PIK3C3: variants seen among roughly 807,000 people sequenced by gnomAD.
PIK3C3 encodes the protein PI3-kinase type 3.
A neutral mutation model predicts 126.1 loss-of-function variants in PIK3C3; 95 were observed. The ratio of observed to expected loss-of-function variants is 0.75; its 90% confidence interval spans 0.64 to 0.89. PIK3C3 has a LOEUF of 0.89. Among genes scored for constraint, PIK3C3 ranks in the 40% least tolerant of loss-of-function variants. The pLI is 0.00. For missense variants in PIK3C3, 829 were observed against 1,063.2 expected (o/e 0.78, Z 3.06); for synonymous variants, 374 against 360.0 (o/e 1.04, Z -0.44).
At chr18:41,987,735 A>G (rs2276268) in intron 4 of PIK3C3, 77 bp from the exon 5 acceptor site, 8 of 872,736 alleles carry the variant, frequency 9.2e-6, no homozygotes, top group Admixed American at 3.6e-5. Flanking sequence ...TGAAGTGTAC[A>G]TTGCCATTCT....
chr18:42,045,059 C>T lies in PIK3C3; in HGVS notation c.2188+1242C>T, dbSNP rs143640435. 7.5e-3 allele frequency among the ~76,000 whole-genome samples: 1,139 copies of T among 152,114 alleles called. 14 individuals are homozygous for T. Among genetic ancestry groups the T allele is most frequent in the African/African-American group, 0.026 (1,082 of 41,486 alleles). ...TTTGGACCTTATTTTCAAATTTATT[C>T]GTGATGATACATTTTTGTCTGAAAA... On this transcript the variant is annotated intron_variant, in intron 20 of 24. Coordinates refer to ENST00000262039, the MANE Select transcript of PIK3C3 (RefSeq NM_002647.4).
chr18:42,013,998 C>T (rs1231643022), intron 11 of PIK3C3, among the ~76,000 whole-genome samples: 1 of 152,068 alleles, frequency 6.6e-6, no homozygotes, highest in East Asian at 1.9e-4. Flanking sequence ...GCTACTATTA[C>T]TTATTTATGT....
At chr18:42,005,850 T>G (rs1376643766) in intron 10 of PIK3C3, among the ~76,000 whole-genome samples, 1 of 151,140 alleles carries the variant, frequency 6.6e-6, no homozygotes, top group Non-Finnish European at 1.5e-5. Flanking sequence ...AAATAATTCA[T>G]CTGTCTTCAG....
chr18:42,043,887 A>G, intron 20 of PIK3C3, 70 bp downstream of exon 20: 1 of 939,548 alleles, frequency 1.1e-6, no homozygotes, highest in Non-Finnish European at 1.7e-6. Context: ...TATTGCCATA[A>G]TCATATACAT....
chr18:42,003,311 A>G (rs1259905677), intron 9 of PIK3C3, among the ~76,000 whole-genome samples: 3 of 152,166 alleles, frequency 2.0e-5, no homozygotes, highest in Non-Finnish European at 2.9e-5. Flanking sequence ...CAAGTTACCT[A>G]TTTTTCAACA....
chr18:42,061,684 A>G (rs1429604899), intron 22 of PIK3C3, among the ~76,000 whole-genome samples: 2 of 152,232 alleles, frequency 1.3e-5, no homozygotes, highest in African/African-American at 4.8e-5. Context: ...TGTATCTTAA[A>G]TGGAAAATTC....
intron 21 of PIK3C3, among the ~76,000 whole-genome samples, chr18:42,054,168 A>G (rs1479461482): frequency 1.6e-4 from 8 of 49,722 alleles, no homozygotes; most frequent in East Asian, 5.4e-4. Flanking sequence ...ATATATATAT[A>G]TATATATATA....
At position 42,087,361 on chromosome 18, in the gene PIK3C3, G is replaced by A. The variant is rs511605; in HGVS notation, c.*6224G>A. 76,069 of 151,980 alleles carry A rather than the reference G, an allele frequency of 0.5. 20,807 individuals carry two copies. The highest frequency in any genetic ancestry group is 0.73 in the African/African-American group (30,231 of 41,446). The allele number at this position is 151,980 out of a possible 1,614,324, so 9.4% of individuals were successfully genotyped here. ...GTTGCATCATGTATGACGTTTGCAA[G>A]GTGCATGTGGAAGGCTGGTCGCCCC... On this transcript the variant is annotated 3_prime_UTR_variant, in exon 25 of 25. Transcript: ENST00000262039.
chr18:41,993,030 A>G (rs1981855126), intron 6 of PIK3C3, among the ~76,000 whole-genome samples: 1 of 152,172 alleles, frequency 6.6e-6, no homozygotes, highest in African/African-American at 2.4e-5. Context: ...CAGACCTCAT[A>G]CCTCTAAAAC....
At chr18:42,051,794 G>A (rs1006907995) in intron 21 of PIK3C3, among the ~76,000 whole-genome samples, 1 of 151,892 alleles carries the variant, frequency 6.6e-6, no homozygotes, top group Non-Finnish European at 1.5e-5. Flanking sequence ...CAAGAATCAA[G>A]CAACCAAAAT....
intron 17 of PIK3C3, among the ~76,000 whole-genome samples, chr18:42,038,296 C>T (rs766110981): frequency 2.6e-5 from 4 of 151,732 alleles, no homozygotes; most frequent in South Asian, 2.1e-4. Flanking sequence ...TTTAGCATAC[C>T]GTCATCTAAG....
rs543625493 is a variant in PIK3C3 at position 42,012,284 on chromosome 18, C to T, written c.1171-1158C>T. On this transcript the variant is annotated intron_variant, in intron 10 of 24. Coordinates refer to ENST00000262039, the MANE Select transcript of PIK3C3 (RefSeq NM_002647.4). The stretch of plus-strand genomic sequence containing the variant: ...TGGGTTGCTGGCAGGTGGTCTCTGT[C>T]CTCCTGGTTTACAAAATAGTGGAAA... Among the ~76,000 whole-genome samples, 29 of 152,030 alleles carry T rather than the reference C, an allele frequency of 1.9e-4. No homozygotes were observed. The East Asian group carries it at 5.2e-3, about 27-fold the overall frequency.
In PIK3C3 at chr18:42,065,005, G is replaced by A. The variant is rs1985477082; in HGVS notation, c.2523+175G>A. ...ACAGTTTGCTTGCTACTCCAGCCCTGCAGTCACAGGGAGGAGGAAGCAGCA... is the reference window on the plus strand; with the variant it reads ...ACAGTTTGCTTGCTACTCCAGCCCTACAGTCACAGGGAGGAGGAAGCAGCA... On this transcript the variant is annotated intron_variant, in intron 23 of 24. Coordinates refer to ENST00000262039, the MANE Select transcript of PIK3C3 (RefSeq NM_002647.4). Among the ~76,000 whole-genome samples the A allele has an allele frequency of 2.0e-5, 3 of 152,256 alleles. No homozygotes were observed. In the South Asian group the frequency reaches 6.2e-4, roughly 32 times the overall value.
At chr18:41,973,142 A>C (rs565196808) in intron 4 of PIK3C3, among the ~76,000 whole-genome samples, 1 of 152,186 alleles carries the variant, frequency 6.6e-6, no homozygotes, top group Admixed American at 6.5e-5. Flanking sequence ...CATAGTTATT[A>C]TCTTACTAGG....
chr18:42,004,769 G>A (rs1982462963), intron 10 of PIK3C3, among the ~76,000 whole-genome samples: 1 of 152,136 alleles, frequency 6.6e-6, no homozygotes, highest in South Asian at 2.1e-4. Context: ...TCTGTTACGT[G>A]GTAGGACAGT....
rs1283125572 is a variant in PIK3C3 at position 42,083,102 on chromosome 18, TGAGA to T, written c.*1968_*1971del. On this transcript the variant is annotated 3_prime_UTR_variant, in exon 25 of 25. Coordinates refer to ENST00000262039, the MANE Select transcript of PIK3C3 (RefSeq NM_002647.4). ...GGGTAAACAGTAGCTGTGGTTTTGC[TGAGA>T]GATTTTGGCTGTGAGTGACAAGCCT... 6.6e-6 allele frequency: 1 copy of T among 152,224 alleles called. No homozygotes were observed. Among genetic ancestry groups the T allele is most frequent in the Non-Finnish European group, 1.5e-5 (1 of 68,048 alleles). The allele number at this position is 152,224 out of a possible 1,614,324, so 9.4% of individuals were successfully genotyped here. A position where few individuals can be genotyped will look rare whatever the true frequency, so the allele number is the denominator to read the frequency against.
intron 11 of PIK3C3, among the ~76,000 whole-genome samples, chr18:42,014,187 G>A (rs1982961808): frequency 8.5e-6 from 1 of 117,504 alleles, no homozygotes; most frequent in African/African-American, 3.4e-5. Flanking sequence ...CAGCCTGGGC[G>A]ACAGAGCGAG....
chr18:41,984,603 G>A (rs1981373627), intron 4 of PIK3C3, among the ~76,000 whole-genome samples: 1 of 152,136 alleles, frequency 6.6e-6, no homozygotes, highest in South Asian at 2.1e-4. Context: ...TTCTGAAGAG[G>A]AAGGCAGCTA....
intron 9 of PIK3C3, among the ~76,000 whole-genome samples, chr18:41,998,871 C>G (rs1213533918): frequency 6.6e-6 from 1 of 152,108 alleles, no homozygotes; most frequent in Non-Finnish European, 1.5e-5. Context: ...ATACTCCACC[C>G]ATTAATTTAT....
Sources: allele counts gnomAD v4.1 joint callset (sites outside exome capture counted in the v4.1 genomes callset), GRCh38; gene constraint gnomAD v4.1.1; transcripts MANE v1.5; gene names NCBI Gene and HGNC (gene_info 2026-07-23, HGNC 2026-07-21).